The following MERTK variants were observed in gnomAD, a reference collection of about 807,000 sequenced individuals.
MERTK encodes MER proto-oncogene, tyrosine kinase, also known as tyrosine-protein kinase Mer.
Under a neutral mutation model 99.3 loss-of-function variants are expected in MERTK, and 69 were observed. The ratio of observed to expected loss-of-function variants is 0.70; its 90% CI spans 0.57 to 0.85. The LOEUF (loss-of-function observed/expected upper bound fraction) is 0.85, where lower values mean the gene tolerates loss of function less well. Ranked by LOEUF, MERTK falls within the 40% of genes least tolerant of loss-of-function variation. MERTK has a pLI of 0.00. For synonymous variants in MERTK, 426 were observed against 467.6 expected, an observed-to-expected ratio of 0.91 and a Z score of 1.15; for missense variants, 1,125 against 1,249.4, an observed-to-expected ratio of 0.90 and a Z score of 1.50.
intron 2 of MERTK, among the ~76,000 whole-genome samples, chr2:111,936,291 C>T (rs1321454887): frequency 6.6e-6 from 1 of 152,096 alleles, no homozygotes; most frequent in East Asian, 1.9e-4. Context: ...ATATTATGAA[C>T]ATTTCTGTAT....
chr2:112,007,052 TA>T (rs1296767095), intron 13 of MERTK, among the ~76,000 whole-genome samples: 1 of 152,172 alleles, frequency 6.6e-6, no homozygotes, highest in Non-Finnish European at 1.5e-5. Flanking sequence ...ATACATAATA[TA>T]AAATTTACCA....
chr2:112,028,471 C>T lies in MERTK; in HGVS notation c.2607C>T (p.Asp869=), dbSNP rs200167420. ...TGCCTGACGTTCGGAACCAAGCAGA[C>T]GTTATTTACGTCAATACACAGTTGC... The part of the protein sequence containing the change: ...ESLPDVRNQA[D]VIYVNTQLLE... The change falls in exon 19 of 19, where the codon GAC becomes GAT. Residue 869 remains aspartate, a synonymous_variant. Transcript: ENST00000295408. 15 of 1,614,186 alleles carry T rather than the reference C, an allele frequency of 9.3e-6. No homozygotes were observed. Among genetic ancestry groups the T allele is most frequent in the East Asian group, 4.5e-5 (2 of 44,882 alleles).
Position 112,028,892 on chromosome 2 carries a change from A to C in MERTK, c.*28A>C, listed in dbSNP as rs1383386042. 8 of 1,613,338 alleles carry C rather than the reference A, an allele frequency of 5.0e-6. No homozygotes were observed. Among genetic ancestry groups the C allele is most frequent in the Non-Finnish European group, 5.9e-6 (7 of 1,180,006 alleles). ...AGAGGTGCGGGGAGACATTCCAAAA[A>C]TCAAGCCAATTCTTCTGCTGTAGGA... On this transcript the variant is annotated 3_prime_UTR_variant, in exon 19 of 19. Coordinates refer to ENST00000295408, the MANE Select transcript of MERTK (RefSeq NM_006343.3).
intron 7 of MERTK, among the ~76,000 whole-genome samples, 157 bp downstream of exon 7, chr2:111,975,629 T>C (rs1676231640): frequency 6.6e-6 from 1 of 152,174 alleles, no homozygotes; most frequent in South Asian, 2.1e-4. Flanking sequence ...GGGAAAGATA[T>C]TTCCTCCATA....
At chr2:112,023,592 G>C (rs1490342342) in intron 18 of MERTK, among the ~76,000 whole-genome samples, 1 of 151,976 alleles carries the variant, frequency 6.6e-6, no homozygotes, top group East Asian at 1.9e-4. Flanking sequence ...GAGTCAATAG[G>C]CCACGCTCTG....
At chr2:111,934,777 C>T (rs1326927804) in intron 2 of MERTK, among the ~76,000 whole-genome samples, 1 of 152,158 alleles carries the variant, frequency 6.6e-6, no homozygotes, top group Non-Finnish European at 1.5e-5. Flanking sequence ...GTGTTTTCAT[C>T]ATAAAGTCTT....
rs186380458 is a variant in MERTK, at chr2:111,963,690, G to C, written c.758-1501G>C. Among the ~76,000 whole-genome samples, 435 of 152,330 alleles carry C rather than the reference G, an allele frequency of 2.9e-3. 3 individuals are homozygous for C. The highest frequency in any genetic ancestry group is 6.3e-3 in the African/African-American group (262 of 41,566). On this transcript the variant is annotated intron_variant, in intron 4 of 18. Coordinates refer to ENST00000295408, the MANE Select transcript of MERTK (RefSeq NM_006343.3). ...GCACGGGGTTGGGGGTAAGGTTACA[G>C]ATTAACAGCATCTCAAGGCCGAAGA...
rs78061704 is a variant in MERTK at position 111,966,956 on chromosome 2, C to T, written c.845-1181C>T. Among the ~76,000 whole-genome samples the T allele has an allele frequency of 3.2e-3, 481 of 152,280 alleles. 4 individuals carry two copies. Among genetic ancestry groups the T allele is most frequent in the African/African-American group, 0.011 (457 of 41,538 alleles). ...CCTCCCTGGGCCTCATCCACAGTTC[C>T]CCACATTTATTCCTCACCACAGCTC... On this transcript the variant is annotated intron_variant, in intron 5 of 18. Transcript: ENST00000295408.
At position 111,898,789 on chromosome 2, in the gene MERTK, G is replaced by T. The variant is rs745681896; in HGVS notation, c.54G>T (p.Trp18Cys). The change falls in exon 1 of 19, where the codon TGG becomes TGT. Residue 18 changes from tryptophan to cysteine, a missense_variant. Physicochemically the swap from Trp to Cys is radical, Grantham distance 215. Coordinates refer to ENST00000295408, the MANE Select transcript of MERTK (RefSeq NM_006343.3). ...LLLGLFLPAL[W>C]RRAITEAREE... ...TGGGCCTCTTCCTCCCCGCGCTCTG[G>T]CGTAGAGGTGAGTGCGCCCGGCTGG... 2 of 1,595,302 alleles carry T rather than the reference G, an allele frequency of 1.3e-6. No individual in the cohort carries two copies. Among genetic ancestry groups the T allele is most frequent in the Non-Finnish European group, 1.7e-6 (2 of 1,171,802 alleles).
intron 6 of MERTK, among the ~76,000 whole-genome samples, chr2:111,970,770 C>T (rs1676095684): frequency 3.5e-5 from 1 of 28,608 alleles, no homozygotes; most frequent in Non-Finnish European, 8.1e-5. Flanking sequence ...TCCTCCTCCT[C>T]CCTCCTCCTC....
chr2:111,899,330 C>T (rs1573554774), intron 1 of MERTK, among the ~76,000 whole-genome samples: 1 of 151,818 alleles, frequency 6.6e-6, no homozygotes, highest in Non-Finnish European at 1.5e-5. Context: ...AGCGACGGGC[C>T]AGGGGGGGAC....
At position 111,920,569 on chromosome 2, in the gene MERTK, TTTTTC is replaced by T. The variant is rs1558771727; in HGVS notation, c.62-8546_62-8542del. Among the ~76,000 whole-genome samples, 314 of 152,076 alleles carry T rather than the reference TTTTTC, an allele frequency of 2.1e-3. 2 individuals carry two copies. The highest frequency in any genetic ancestry group is 7.0e-3 in the African/African-American group (291 of 41,506). The stretch of plus-strand genomic sequence containing the variant: ...AGTTCTGATTGAAGGTTGTTTTTTT[TTTTTC>T]TTTTTCTTCTAATGAAGTGTTGCTA... On this transcript the variant is annotated intron_variant, in intron 1 of 18. Transcript: ENST00000295408.
intron 6 of MERTK, among the ~76,000 whole-genome samples, chr2:111,972,775 T>A (rs1471304593): frequency 2.6e-5 from 4 of 152,330 alleles, no homozygotes; most frequent in Non-Finnish European, 5.9e-5. Context: ...GAAAAGTTAC[T>A]TGTTGTTTCT....
rs765927920 is a variant in MERTK, at chr2:112,003,147, T to C, written c.1746T>C (p.Ile582=). The change falls in exon 12 of 19, where the codon ATT becomes ATC. Residue 582 remains isoleucine (I), a synonymous_variant. Transcript: ENST00000295408. ...AAAATAAACTAGAAGATGTTGTGAT[T>C]GACAGGAATCTTCTAATTCTTGGAA... ...ELQNKLEDVV[I]DRNLLILGKI... 16 of 1,603,652 alleles carry C rather than the reference T, an allele frequency of 1.0e-5. No individual in the cohort carries two copies. In the Admixed American group the frequency reaches 2.5e-4, roughly 25 times the overall value.
At chr2:111,934,184 C>A (rs902282794) in intron 2 of MERTK, among the ~76,000 whole-genome samples, 6 of 152,076 alleles carry the variant, frequency 3.9e-5, no homozygotes, top group African/African-American at 1.2e-4. Flanking sequence ...AATAAACATA[C>A]GTGTGCATAT....
At chr2:111,950,413 A>T (rs1685033905) in intron 4 of MERTK, among the ~76,000 whole-genome samples, 1 of 152,204 alleles carries the variant, frequency 6.6e-6, no homozygotes, top group East Asian at 1.9e-4. Context: ...TTTGTCTTGG[A>T]TAAATGCCTA....
intron 15 of MERTK, among the ~76,000 whole-genome samples, chr2:112,015,477 G>A (rs1161509445): frequency 1.3e-5 from 2 of 152,028 alleles, no homozygotes; most frequent in Non-Finnish European, 1.5e-5. Flanking sequence ...CCTTACATCC[G>A]CTTTGATGAG....
intron 1 of MERTK, among the ~76,000 whole-genome samples, chr2:111,925,292 A>ATATATATATATTTT (rs372747015): frequency 1.6e-4 from 4 of 24,498 alleles, no homozygotes; most frequent in Non-Finnish European, 2.2e-4. Flanking sequence ...ATATATATAT[A>ATATATATATATTTT]TTTTTTTTTT....
intron 1 of MERTK, among the ~76,000 whole-genome samples, chr2:111,923,382 A>G (rs1684501025): frequency 1.3e-5 from 2 of 152,196 alleles, no homozygotes; most frequent in Non-Finnish European, 1.5e-5. Context: ...CAAGGGCTGC[A>G]TGGTGATTGG....
Sources: gnomAD v4.1 joint callset for allele counts (sites outside exome capture counted in the v4.1 genomes callset) on GRCh38, gnomAD v4.1.1 for gene constraint, MANE v1.5 for transcripts, NCBI Gene and HGNC (gene_info 2026-07-23, HGNC 2026-07-21) for gene names.